The following THAP1 variants were observed in gnomAD, a reference collection of about 807,000 sequenced individuals.
THAP1 encodes the protein THAP domain containing 1.
Under a neutral mutation model 18.2 loss-of-function variants are expected in THAP1, and 6 were observed. That is an observed-to-expected ratio of 0.33 (90% CI 0.18 to 0.65). The LOEUF (loss-of-function observed/expected upper bound fraction) is 0.65. Ranked by LOEUF, THAP1 falls within the 30% of genes least tolerant of loss-of-function variation. The pLI, the probability that THAP1 is intolerant of heterozygous loss-of-function variation, is 0.74. For missense variants in THAP1, 176 were observed against 253.0 expected, an observed-to-expected ratio of 0.70 and a Z score of 2.06; for synonymous variants, 85 against 90.5, an observed-to-expected ratio of 0.94 and a Z score of 0.34.
chr8:42,843,047 C>T lies in THAP1; in HGVS notation c.48G>A (p.Lys16=), dbSNP rs1802757316. The T allele has an allele frequency of 1.2e-6, 2 of 1,613,966 alleles. No individual in the cohort carries two copies. Among genetic ancestry groups the T allele is most frequent in the Non-Finnish European group, 1.7e-6 (2 of 1,179,896 alleles). ...ACTTGTGGAAAGAAACGGGCTTGTC[C>T]TTGTCGTAGCGGTTCTTGCAGCCGT... ...SAYGCKNRYD[K]DKPVSFHKFP... The change falls in exon 1 of 3, where the codon AAG becomes AAA. Residue 16 remains lysine (K), a synonymous_variant. Transcript: ENST00000254250.
intron 1 of THAP1, 105 bp downstream of exon 1, chr8:42,842,919 A>C (rs990929403): frequency 1.1e-3 from 644 of 604,466 alleles, no homozygotes; most frequent in East Asian, 9.9e-4. Context: ...CCCAGACCCC[A>C]CCCGCCCCTC....
intron 1 of THAP1, among the ~76,000 whole-genome samples, chr8:42,840,802 AC>A (rs1479462572): frequency 6.6e-6 from 1 of 152,030 alleles, no homozygotes; most frequent in East Asian, 1.9e-4. Flanking sequence ...CCCTGTCTCT[AC>A]TAAAAATACA....
In THAP1 at chr8:42,836,815, T is replaced by C. The variant is rs1802621856; in HGVS notation, c.*1147A>G. ...AAAAGATAACTCCCATAGCAATATT[T>C]GTTTACTCAGAACATATTTTCACTT... On this transcript the variant is annotated 3_prime_UTR_variant, in exon 3 of 3. Transcript: ENST00000254250. The C allele has an allele frequency of 6.6e-6, 1 of 152,568 alleles. No homozygotes were observed. The highest frequency in any genetic ancestry group is 2.1e-4 in the South Asian group (1 of 4,836). 9.5% of individuals were successfully genotyped at this position (152,568 alleles called of 1,614,324 possible). A position where few individuals can be genotyped will look rare whatever the true frequency, so the allele number is the denominator to read the frequency against.
Position 42,837,331 on chromosome 8 carries a change from A to C in THAP1, c.*631T>G, listed in dbSNP as rs1802631962. 1 of 152,204 alleles carries C rather than the reference A, an allele frequency of 6.6e-6. No homozygotes were observed. Among genetic ancestry groups the C allele is most frequent in the African/African-American group, 2.4e-5 (1 of 41,456 alleles). 9.4% of individuals were successfully genotyped at this position (152,204 alleles called of 1,614,324 possible). On this transcript the variant is annotated 3_prime_UTR_variant, in exon 3 of 3. Coordinates refer to ENST00000254250, the MANE Select transcript of THAP1 (RefSeq NM_018105.3). ...AAAAAATAGGAGCCCATGTAAAAAA[A>C]AAAAATCCACTCTTAGAATCTGAAG...
Position 42,840,812 on chromosome 8 carries a change from C to A in THAP1, c.72-1431G>T, listed in dbSNP as rs578251005. On this transcript the variant is annotated intron_variant, in intron 1 of 2. Coordinates refer to ENST00000254250, the MANE Select transcript of THAP1 (RefSeq NM_018105.3). ...TGAAACCCTGTCTCTACTAAAAATA[C>A]AAAAATTAGCTGGGCGTGGTGGTGC... 2.6e-5 allele frequency among the ~76,000 whole-genome samples: 4 copies of A among 151,994 alleles called. No individual in the cohort carries two copies. The East Asian group carries it at 7.7e-4, about 29-fold the overall frequency.
At chr8:42,840,965 CAAAAAAAAAAAA>C (rs1029278824) in intron 1 of THAP1, among the ~76,000 whole-genome samples, 13 of 47,078 alleles carry the variant, frequency 2.8e-4, no homozygotes, top group South Asian at 1.6e-3. Context: ...GACTCCATCT[CAAAAAAAAAAAA>C]AAAAAAAAAA....
chr8:42,837,910 G>A lies in THAP1; in HGVS notation c.*52C>T, dbSNP rs1802645069. On this transcript the variant is annotated 3_prime_UTR_variant, in exon 3 of 3. Coordinates refer to ENST00000254250, the MANE Select transcript of THAP1 (RefSeq NM_018105.3). The stretch of plus-strand genomic sequence containing the variant: ...TTAAATGAAACTCCTTTACAGGCTA[G>A]AGGAGGATATGTGGTATTGCCCCAT... 1.3e-6 allele frequency: 2 copies of A among 1,586,374 alleles called. No homozygotes were observed. The highest frequency in any genetic ancestry group is 1.7e-6 in the Non-Finnish European group (2 of 1,164,984).
intron 1 of THAP1, 82 bp from the exon 2 acceptor site, chr8:42,839,463 T>C: frequency 1.5e-6 from 2 of 1,355,168 alleles, no homozygotes; most frequent in Non-Finnish European, 2.1e-6. Context: ...TTAGGAAATA[T>C]CTTACATTGG....
intron 1 of THAP1, among the ~76,000 whole-genome samples, chr8:42,840,720 G>A (rs1003447588): frequency 6.6e-6 from 1 of 152,190 alleles, no homozygotes; most frequent in Non-Finnish European, 1.5e-5. Context: ...TGTAATCCCA[G>A]CACTTTGGGA....
intron 1 of THAP1, among the ~76,000 whole-genome samples, chr8:42,841,242 C>T (rs996605853): frequency 6.6e-6 from 1 of 150,600 alleles, no homozygotes; most frequent in Non-Finnish European, 1.5e-5. Flanking sequence ...CAGGTTAGCC[C>T]TTCTTTTGAT....
At chr8:42,838,421 C>T (rs1220390696) in intron 2 of THAP1, 85 bp from the exon 3 acceptor site, 9 of 1,554,188 alleles carry the variant, frequency 5.8e-6, no homozygotes, top group Non-Finnish European at 7.9e-6. Context: ...CGCAGTGGCT[C>T]ATGCCTATAA....
At chr8:42,841,450 G>A (rs952181966) in intron 1 of THAP1, among the ~76,000 whole-genome samples, 3 of 151,822 alleles carry the variant, frequency 2.0e-5, no homozygotes, top group Non-Finnish European at 4.4e-5. Context: ...ACAGGCGTAC[G>A]CCTGTATTTT....
At chr8:42,842,536 A>C (rs564614705) in intron 1 of THAP1, 2 of 152,342 alleles carry the variant, frequency 1.3e-5, no homozygotes, top group African/African-American at 4.8e-5. Context: ...GTTCCTAGAG[A>C]TTGGGGGCAA....
At position 42,837,736 on chromosome 8, in the gene THAP1, GGTTA is replaced by G. The variant is rs1291269583; in HGVS notation, c.*222_*225del. ...AAACCAACTTACATTAGAGGTCTGAGGTTAGTTTATAACTTTTAAAATATTTTGT... is the reference window on the plus strand; with the variant it reads ...AAACCAACTTACATTAGAGGTCTGAGGTTTATAACTTTTAAAATATTTTGT... On this transcript the variant is annotated 3_prime_UTR_variant, in exon 3 of 3. Transcript: ENST00000254250. 6.4e-5 allele frequency: 21 copies of G among 327,686 alleles called. No individual in the cohort carries two copies. The highest frequency in any genetic ancestry group is 1.1e-4 in the South Asian group (1 of 9,458). The allele number at this position is 327,686 out of a possible 1,614,324, so 20.3% of individuals were successfully genotyped here. A position where few individuals can be genotyped will look rare whatever the true frequency, so the allele number is the denominator to read the frequency against.
At chr8:42,839,595 C>A (rs983394475) in intron 1 of THAP1, among the ~76,000 whole-genome samples, 1 of 152,132 alleles carries the variant, frequency 6.6e-6, no homozygotes, top group South Asian at 2.1e-4. Context: ...TGTTGTTAGG[C>A]TGGAGTGCAG....
rs762418293 is a variant in THAP1 at position 42,838,290 on chromosome 8, A to G, written c.314T>C (p.Leu105Ser). 16 of 1,613,954 alleles carry G rather than the reference A, an allele frequency of 9.9e-6. No individual in the cohort carries two copies. The African/African-American group carries it at 2.1e-4, about 22-fold the overall frequency. Residue 105 changes from leucine (L) to serine (S), a missense_variant, in exon 3 of 3, where the codon TTA becomes TCA. Physicochemically the swap from Leu to Ser is moderately radical, Grantham distance 145. Transcript: ENST00000254250. Reference sequence around the variant, plus strand: ...ATCAACCTGGGAAACAGGAGGCGGTAAAGGAGGTGGGGGAAGCTGTTCCTG... The same window carrying G: ...ATCAACCTGGGAAACAGGAGGCGGTGAAGGAGGTGGGGGAAGCTGTTCCTG... ...EPQEQLPPPP[L>S]PPPVSQVDAA...
intron 1 of THAP1, among the ~76,000 whole-genome samples, chr8:42,840,744 G>A (rs892295730): frequency 2.0e-5 from 3 of 152,116 alleles, no homozygotes; most frequent in East Asian, 3.8e-4. Flanking sequence ...TGAGGAGGGC[G>A]GATCAGGAGG....
Position 42,836,701 on chromosome 8 carries a change from T to C in THAP1, c.*1261A>G, listed in dbSNP as rs2128918223. 6.5e-6 allele frequency: 1 copy of C among 152,774 alleles called. No individual in the cohort carries two copies. Among genetic ancestry groups the C allele is most frequent in the South Asian group, 2.1e-4 (1 of 4,830 alleles). The allele number at this position is 152,774 out of a possible 1,614,324, so 9.5% of individuals were successfully genotyped here. ...CCATTGTTTCACACCTTTAATACTG[T>C]CTTAAAGGTTCTATTGCTCTTCAAC... On this transcript the variant is annotated 3_prime_UTR_variant, in exon 3 of 3. Transcript: ENST00000254250.
chr8:42,841,243 T>G (rs1178014743), intron 1 of THAP1, among the ~76,000 whole-genome samples: 1 of 151,436 alleles, frequency 6.6e-6, no homozygotes, highest in African/African-American at 2.4e-5. Flanking sequence ...AGGTTAGCCC[T>G]TCTTTTGATT....
Sources: allele counts gnomAD v4.1 joint callset (sites outside exome capture counted in the v4.1 genomes callset), GRCh38; gene constraint gnomAD v4.1.1; transcripts MANE v1.5; gene names NCBI Gene and HGNC (gene_info 2026-07-23, HGNC 2026-07-21).